The following WNT9B variants were observed in gnomAD, a reference collection of about 807,000 sequenced individuals.
WNT9B encodes the protein protein Wnt-9b.
A neutral mutation model predicts 30.2 loss-of-function variants in WNT9B; 12 were observed. The observed-to-expected ratio is 0.40, with a 90% CI of 0.26 to 0.64. The LOEUF (loss-of-function observed/expected upper bound fraction) is 0.64. Among genes scored for constraint, WNT9B ranks in the 30% least tolerant of loss-of-function variants. The pLI is 0.42. For synonymous variants in WNT9B, 218 were observed against 216.9 expected (o/e 1.01, Z -0.05); for missense variants, 442 against 485.2 (o/e 0.91, Z 0.84).
At chr17:46,836,526 G>A (rs193123625) in intron 1 of WNT9B, among the ~76,000 whole-genome samples, 13 of 152,178 alleles carry the variant, frequency 8.5e-5, no homozygotes, top group African/African-American at 3.1e-4. Flanking sequence ...TGTAAATGTC[G>A]ATGATTAGAA....
intron 1 of WNT9B, among the ~76,000 whole-genome samples, chr17:46,868,334 G>A (rs897267326): frequency 2.0e-5 from 3 of 152,020 alleles, no homozygotes; most frequent in Admixed American, 6.6e-5. Flanking sequence ...GCTCATGCCT[G>A]TAATCCCAGC....
rs764565715 is a variant in WNT9B at position 46,875,308 on chromosome 17, G to T, written c.542G>T (p.Arg181Ile). The change falls in exon 3 of 4, where the codon AGA becomes ATA. Residue 181 changes from arginine (R) to isoleucine (I), a missense_variant. Physicochemically the swap from Arg to Ile is moderately conservative, Grantham distance 97 (BLOSUM62 -3). Coordinates refer to ENST00000290015, the MANE Select transcript of WNT9B (RefSeq NM_003396.3). The stretch of plus-strand genomic sequence containing the variant: ...CTGAGCAACTTCCTGGGGTCCAAGA[G>T]AGGAAACAAGGACCTGCGGGCACGG... The part of the protein sequence containing the change: ...KFLSNFLGSK[R>I]GNKDLRARAD... 1 of 1,613,870 alleles carries T rather than the reference G, an allele frequency of 6.2e-7. No homozygotes were observed. Among genetic ancestry groups the T allele is most frequent in the South Asian group, 1.1e-5 (1 of 91,078 alleles).
intron 1 of WNT9B, among the ~76,000 whole-genome samples, chr17:46,837,176 C>T (rs563145374): frequency 3.3e-5 from 5 of 152,218 alleles, no homozygotes; most frequent in Admixed American, 3.3e-4. Flanking sequence ...CTCTTGACCT[C>T]GTGATCTGCC....
Position 46,851,634 on chromosome 17 carries a change from GC to G in WNT9B, c.-4del. On this transcript the variant is annotated 5_prime_UTR_variant, in exon 1 of 4. Coordinates refer to ENST00000290015, the MANE Select transcript of WNT9B (RefSeq NM_003396.3). This position sits in a 1 kb window ranked among gnomAD's most constrained non-coding sequence, Gnocchi z 4.3. ...GATGCTAGAGGGCGCAGCGCCGCCA[GC>G]ACCATGCGCCCCCCGCCCGCGCTGG... 1 of 1,271,622 alleles carries G rather than the reference GC, an allele frequency of 7.9e-7. No homozygotes were observed. Among genetic ancestry groups the G allele is most frequent in the Non-Finnish European group, 9.9e-7 (1 of 1,012,620 alleles). The allele number at this position is 1,271,622 out of a possible 1,614,324, so 78.8% of individuals were successfully genotyped here. A position where few individuals can be genotyped will look rare whatever the true frequency, so the allele number is the denominator to read the frequency against.
intron 1 of WNT9B, among the ~76,000 whole-genome samples, chr17:46,869,702 C>T (rs889308556): frequency 2.6e-5 from 4 of 152,150 alleles, no homozygotes; most frequent in African/African-American, 9.7e-5. Context: ...GAGTCCCAGA[C>T]AAGAACACAG....
downstream of WNT9B, among the ~76,000 whole-genome samples, chr17:46,883,847 G>A (rs1040739224): frequency 6.6e-6 from 1 of 152,162 alleles, no homozygotes; most frequent in Non-Finnish European, 1.5e-5. Flanking sequence ...CAAAGAGGAG[G>A]TTAATGCCTC....
rs1290890917 is a variant in WNT9B at position 46,875,273 on chromosome 17, C to T, written c.507C>T (p.Ser169=). 1 of 1,614,214 alleles carries T rather than the reference C, an allele frequency of 6.2e-7. No homozygotes were observed. The highest frequency in any genetic ancestry group is 2.2e-5 in the East Asian group (1 of 44,884). The change falls in exon 3 of 4, where the codon AGC becomes AGT. Residue 169 remains serine, a synonymous_variant. Coordinates refer to ENST00000290015, the MANE Select transcript of WNT9B (RefSeq NM_003396.3). ...WGVCGDNLKY[S]TKFLSNFLGS... Reference sequence around the variant, plus strand: ...TGTGCGGTGACAACCTCAAGTACAGCACCAAGTTTCTGAGCAACTTCCTGG... The same window carrying T: ...TGTGCGGTGACAACCTCAAGTACAGTACCAAGTTTCTGAGCAACTTCCTGG...
chr17:46,874,200 G>A lies in WNT9B; in HGVS notation c.335-901G>A, dbSNP rs999294852. 8.5e-5 allele frequency among the ~76,000 whole-genome samples: 13 copies of A among 152,106 alleles called. No individual in the cohort carries two copies. The South Asian group carries it at 1.2e-3, about 15-fold the overall frequency. The stretch of plus-strand genomic sequence containing the variant: ...GCCACACCCAGCAGAGAGGAGTGTC[G>A]GTGGTTCTGGAGTGGGTGGGATGGT... On this transcript the variant is annotated intron_variant, in intron 2 of 3. Transcript: ENST00000290015.
intron 2 of WNT9B, among the ~76,000 whole-genome samples, chr17:46,874,035 G>T (rs564833585): frequency 7.8e-4 from 118 of 151,850 alleles, no homozygotes; most frequent in African/African-American, 2.7e-3. Flanking sequence ...GGGCAGCCAG[G>T]CCCCTCCTAG....
upstream of WNT9B, among the ~76,000 whole-genome samples, chr17:46,849,464 C>T (rs535001548): frequency 6.6e-6 from 1 of 152,310 alleles, no homozygotes; most frequent in South Asian, 2.1e-4. Flanking sequence ...GTGGCTGGGG[C>T]CTGGTGGGGT....
At chr17:46,845,485 A>AT (rs34586359) in intron 1 of WNT9B, among the ~76,000 whole-genome samples, 9,570 of 121,350 alleles carry the variant, frequency 0.079, 889 homozygotes, top group East Asian at 0.37. Flanking sequence ...AGTTATCTGA[A>AT]TTTTTTTTTT....
At position 46,879,666 on chromosome 17, in the gene WNT9B, C is replaced by A. The variant is rs2085397751; in HGVS notation, c.*2948C>A. 6.6e-6 allele frequency among the ~76,000 whole-genome samples: 1 copy of A among 152,224 alleles called. No homozygotes were observed. Among genetic ancestry groups the A allele is most frequent in the Admixed American group, 6.5e-5 (1 of 15,286 alleles). ...CAAAGTCACACCTAAGAGACTTGTT[C>A]AATGAATATTTACTGAACATCTCCA... On this transcript the variant is annotated 3_prime_UTR_variant, in exon 4 of 4. Coordinates refer to ENST00000290015, the MANE Select transcript of WNT9B (RefSeq NM_003396.3).
At chr17:46,857,474 C>CA (rs35196121) in intron 1 of WNT9B, among the ~76,000 whole-genome samples, 13,251 of 94,056 alleles carry the variant, frequency 0.14, 888 homozygotes, top group Non-Finnish European at 0.17. Flanking sequence ...GACTCTGTCT[C>CA]AAAAAAAAAA....
At chr17:46,881,520 C>T (rs975360180), downstream of WNT9B, among the ~76,000 whole-genome samples, 1 of 152,344 alleles carries the variant, frequency 6.6e-6, no homozygotes, top group African/African-American at 2.4e-5. Flanking sequence ...ATATCGCTAG[C>T]AAGCGGATCC....
chr17:46,853,916 C>T (rs922655414), intron 1 of WNT9B, among the ~76,000 whole-genome samples: 2 of 152,120 alleles, frequency 1.3e-5, no homozygotes, highest in Admixed American at 6.6e-5. Context: ...GTGTTCTCAG[C>T]AGTGCATGGG....
rs761237620 is a variant in WNT9B at position 46,872,623 on chromosome 17, C to T, written c.184C>T (p.Arg62Trp). Residue 62 changes from arginine (R) to tryptophan (W), a missense_variant, in exon 2 of 4, where the codon CGG (arginine) becomes TGG (tryptophan). Arg to Trp is a moderately radical substitution (Grantham distance 101). Transcript: ENST00000290015. ...GCAGTGTGACCTGCTGAAGCTGTCC[C>T]GGCGGCAGAAGCAGCTCTGCCGGAG... ...LKQCDLLKLS[R>W]RQKQLCRREP... The T allele has an allele frequency of 4.7e-5, 76 of 1,613,266 alleles. No homozygotes were observed. Among genetic ancestry groups the T allele is most frequent in the Non-Finnish European group, 6.1e-5 (72 of 1,179,860 alleles).
In WNT9B at chr17:46,866,236, G is replaced by A. The variant is rs377504605; in HGVS notation, c.78-6281G>A. Reference sequence around the variant, plus strand: ...GTTGAGCAGCCACCCTCAAAAAAGGGCTGCCCAGAGCCATGGTGCCCTCTC... The same window carrying A: ...GTTGAGCAGCCACCCTCAAAAAAGGACTGCCCAGAGCCATGGTGCCCTCTC... On this transcript the variant is annotated intron_variant, in intron 1 of 3. Transcript: ENST00000290015. Among the ~76,000 whole-genome samples, 38 of 152,252 alleles carry A rather than the reference G, an allele frequency of 2.5e-4. 1 individual carries two copies. The South Asian group carries it at 3.3e-3, about 13-fold the overall frequency.
chr17:46,851,847 C>A lies in WNT9B; in HGVS notation c.77+132C>A. On this transcript the variant is annotated intron_variant, in intron 1 of 3. Transcript: ENST00000290015. The surrounding 1 kb of genome is among the most constrained non-coding windows in gnomAD (Gnocchi z 4.3). ...GTCTCGAACTCAGACCCTAGCCCGG[C>A]GCGACCCAACCCACTTCGCAGTCGG... is the stretch of plus-strand genomic sequence containing the variant. 7.1e-6 allele frequency: 3 copies of A among 420,344 alleles called. No homozygotes were observed. Among genetic ancestry groups the A allele is most frequent in the South Asian group, 2.1e-4 (2 of 9,502 alleles). 26.0% of individuals were successfully genotyped at this position (420,344 alleles called of 1,614,324 possible). A position where few individuals can be genotyped will look rare whatever the true frequency, so the allele number is the denominator to read the frequency against.
intron 1 of WNT9B, among the ~76,000 whole-genome samples, chr17:46,863,854 A>G (rs1293283625): frequency 1.3e-5 from 2 of 152,126 alleles, no homozygotes; most frequent in African/African-American, 4.8e-5. Context: ...GCTCACAACT[A>G]CATCCATCCC....
Sources: gnomAD v4.1 joint callset for allele counts (sites outside exome capture counted in the v4.1 genomes callset) on GRCh38, gnomAD v4.1.1 for gene constraint, Gnocchi (gnomAD v3.1) non-coding constraint, MANE v1.5 for transcripts, NCBI Gene and HGNC (gene_info 2026-07-23, HGNC 2026-07-21) for gene names.